DDX4: variants seen among roughly 807,000 people sequenced by gnomAD.
The protein encoded by DDX4 is DEAD-box helicase 4.
DDX4 carries 25 observed loss-of-function variants against 100.0 expected under a neutral mutation model. The observed-to-expected ratio is 0.25, with a 90% CI of 0.18 to 0.35. DDX4 has a LOEUF of 0.35. Among genes scored for constraint, DDX4 ranks in the 10% least tolerant of loss-of-function variants. The probability of loss-of-function intolerance (pLI) is 1.00; values close to 1 mark genes in which losing one functional copy is unlikely to be tolerated. For missense variants in DDX4, 635 were observed against 882.4 expected, an observed-to-expected ratio of 0.72 and a Z score of 3.55; for synonymous variants, 259 against 275.7, an observed-to-expected ratio of 0.94 and a Z score of 0.60.
rs199575996 is a variant in DDX4, at chr5:55,760,184, ATGT to A, written c.128-11_128-9del. 0.026 allele frequency: 41,333 copies of A among 1,567,418 alleles called. 651 individuals are homozygous for A. The highest frequency in any genetic ancestry group is 0.031 in the Non-Finnish European group (36,471 of 1,161,844). Reference sequence around the variant, plus strand: ...TTGTTTTTATTTGACTTACTTCAAAATGTTGTTTGCTTTAGAAATGGATGATGG... The same window carrying A: ...TTGTTTTTATTTGACTTACTTCAAAATGTTTGCTTTAGAAATGGATGATGG... On this transcript the variant is annotated splice_polypyrimidine_tract_variant and intron_variant, in intron 3 of 21. Transcript: ENST00000505374.
At chr5:55,764,945 T>G (rs1382150791) in intron 6 of DDX4, among the ~76,000 whole-genome samples, 1 of 152,222 alleles carries the variant, frequency 6.6e-6, no homozygotes, top group Non-Finnish European at 1.5e-5. Flanking sequence ...ATTAAACACT[T>G]TGATTCCCAA....
At position 55,781,914 on chromosome 5, in the gene DDX4, T is replaced by A. The variant is rs757751723; in HGVS notation, c.578-20T>A. 1.2e-6 allele frequency: 2 copies of A among 1,613,770 alleles called. No homozygotes were observed. Among genetic ancestry groups the A allele is most frequent in the Non-Finnish European group, 1.7e-6 (2 of 1,179,786 alleles). ...GCAGCTGTGTTTTATCTAAATATGT[T>A]GTGAAACAATGCCTTACAGGTAATG... On this transcript the variant is annotated intron_variant, in intron 9 of 21. Coordinates refer to ENST00000505374, the MANE Select transcript of DDX4 (RefSeq NM_024415.3).
At chr5:55,801,925 A>G (rs1041483871) in intron 18 of DDX4, among the ~76,000 whole-genome samples, 1 of 152,056 alleles carries the variant, frequency 6.6e-6, no homozygotes, top group Admixed American at 6.6e-5. Flanking sequence ...GGTCCCCCAT[A>G]TTTCCTGTGG....
At chr5:55,783,690 A>G (rs200769405) in intron 10 of DDX4, among the ~76,000 whole-genome samples, 38 of 123,926 alleles carry the variant, frequency 3.1e-4, no homozygotes, top group Admixed American at 1.4e-3. Flanking sequence ...TGGATGGATG[A>G]ATGGATGGAT....
At chr5:55,805,619 A>G (rs1332339229) in intron 18 of DDX4, among the ~76,000 whole-genome samples, 1 of 152,098 alleles carries the variant, frequency 6.6e-6, no homozygotes, top group Non-Finnish European at 1.5e-5. Flanking sequence ...TCTATGCTGG[A>G]TTACATTTAT....
At chr5:55,746,956 G>A (rs1440602070) in intron 3 of DDX4, among the ~76,000 whole-genome samples, 2 of 152,292 alleles carry the variant, frequency 1.3e-5, no homozygotes, top group Admixed American at 6.5e-5. Flanking sequence ...AATTTTGACC[G>A]GACTCTGGCT....
rs947342910 is a variant in DDX4 at position 55,786,013 on chromosome 5, C to T, written c.864+142C>T. The stretch of plus-strand genomic sequence containing the variant: ...TTAGGTTGGAAATTTAGAATGATGT[C>T]TTACCATCTATAATAGAATTAATTG... On this transcript the variant is annotated intron_variant, in intron 13 of 21. Coordinates refer to ENST00000505374, the MANE Select transcript of DDX4 (RefSeq NM_024415.3). 2.0e-5 allele frequency: 11 copies of T among 555,976 alleles called. No individual in the cohort carries two copies. The African/African-American group carries it at 2.1e-4, about 11-fold the overall frequency. The allele number at this position is 555,976 out of a possible 1,614,324, so 34.4% of individuals were successfully genotyped here.
chr5:55,774,897 T>G (rs1741466334), intron 7 of DDX4, among the ~76,000 whole-genome samples: 1 of 152,218 alleles, frequency 6.6e-6, no homozygotes, highest in African/African-American at 2.4e-5. Flanking sequence ...AAGATCTCTA[T>G]AACATAAAAT....
intron 7 of DDX4, among the ~76,000 whole-genome samples, chr5:55,769,073 G>C (rs1257080326): frequency 2.0e-5 from 3 of 152,068 alleles, no homozygotes; most frequent in Non-Finnish European, 4.4e-5. Flanking sequence ...TAGGTTGTCT[G>C]TTTACTCTGC....
At chr5:55,751,134 G>T (rs1326356401) in intron 3 of DDX4, among the ~76,000 whole-genome samples, 2 of 152,220 alleles carry the variant, frequency 1.3e-5, no homozygotes, top group African/African-American at 2.4e-5. Flanking sequence ...CCATCATTAG[G>T]ATGTGAGGGT....
chr5:55,796,304 CAATAT>C (rs1742931477), intron 17 of DDX4, among the ~76,000 whole-genome samples: 1 of 152,180 alleles, frequency 6.6e-6, no homozygotes, highest in African/African-American at 2.4e-5. Flanking sequence ...AGGCATCCCT[CAATAT>C]AATCAAGTTG....
intron 18 of DDX4, among the ~76,000 whole-genome samples, chr5:55,804,929 A>G (rs1342697396): frequency 6.6e-6 from 1 of 151,376 alleles, no homozygotes; most frequent in African/African-American, 2.4e-5. Flanking sequence ...GGCCATTTTC[A>G]CGATATTGAT....
intron 5 of DDX4, among the ~76,000 whole-genome samples, chr5:55,763,616 T>C (rs1740705915): frequency 6.6e-6 from 1 of 152,098 alleles, no homozygotes; most frequent in African/African-American, 2.4e-5. Context: ...GAGAAAATCA[T>C]TGAGTTATTG....
chr5:55,787,796 G>C, intron 14 of DDX4, 50 bp from the exon 15 acceptor site: 1 of 1,586,416 alleles, frequency 6.3e-7, no homozygotes. Context: ...TTTCCATAGG[G>C]ATAAAAGTGT....
At chr5:55,792,904 G>A (rs749451289) in intron 17 of DDX4, 97 bp downstream of exon 17, 211 of 782,880 alleles carry the variant, frequency 2.7e-4, no homozygotes, top group Middle Eastern at 4.7e-4. Context: ...GAGATTTGTC[G>A]TTAAGATTTT....
intron 3 of DDX4, among the ~76,000 whole-genome samples, chr5:55,755,849 C>T (rs1759895416): frequency 6.6e-6 from 1 of 152,072 alleles, no homozygotes; most frequent in Non-Finnish European, 1.5e-5. Context: ...GCACTCAGAT[C>T]AAGAAAAACA....
At chr5:55,742,702 C>T (rs1759044180) in intron 2 of DDX4, among the ~76,000 whole-genome samples, 1 of 152,140 alleles carries the variant, frequency 6.6e-6, no homozygotes, top group African/African-American at 2.4e-5. Context: ...AAGCTAAAGA[C>T]AAGACCTATG....
chr5:55,790,813 G>A (rs1742518878), intron 16 of DDX4, 108 bp downstream of exon 16: 4 of 916,996 alleles, frequency 4.4e-6, no homozygotes, highest in Non-Finnish European at 6.9e-6. Context: ...CACTATTTAT[G>A]TGTTAGCCTC....
intron 16 of DDX4, among the ~76,000 whole-genome samples, chr5:55,791,030 GA>G (rs1191173324): frequency 6.6e-6 from 1 of 152,132 alleles, no homozygotes; most frequent in African/African-American, 2.4e-5. Context: ...TACGCTGGGG[GA>G]AAAATGTAGT....
Sources: allele counts gnomAD v4.1 joint callset (sites outside exome capture counted in the v4.1 genomes callset), GRCh38; gene constraint gnomAD v4.1.1; transcripts MANE v1.5; gene names NCBI Gene and HGNC (gene_info 2026-07-23, HGNC 2026-07-21).